Variants in RBFOX1 observed in about 807,000 individuals in gnomAD.
RBFOX1 encodes RNA binding fox-1 homolog 1.
Under a neutral mutation model 57.7 loss-of-function variants are expected in RBFOX1, and 8 were observed. The ratio of observed to expected loss-of-function variants is 0.14; its 90% CI spans 0.08 to 0.25. The LOEUF (loss-of-function observed/expected upper bound fraction) is 0.25. Among genes scored for constraint, RBFOX1 ranks in the 10% least tolerant of loss-of-function variants. RBFOX1 has a pLI of 1.00. For synonymous variants in RBFOX1, 326 were observed against 222.4 expected (o/e 1.47, Z -4.15); for missense variants, 611 against 548.5 (o/e 1.11, Z -1.14).
At chr16:6,929,365 C>T (rs1044456609) in intron 3 of RBFOX1, among the ~76,000 whole-genome samples, 6 of 152,074 alleles carry the variant, frequency 3.9e-5, no homozygotes, top group African/African-American at 4.8e-5. Context: ...GTTAGAATCC[C>T]GGTGCACGTC....
intron 2 of RBFOX1, among the ~76,000 whole-genome samples, chr16:6,350,222 A>T (rs2086067561): frequency 3.3e-5 from 5 of 152,016 alleles, no homozygotes; most frequent in Admixed American, 3.3e-4. Context: ...AGATTGCCTG[A>T]GGTCGGGAGT....
intron 3 of RBFOX1, among the ~76,000 whole-genome samples, chr16:7,019,858 G>T (rs576948169): frequency 1.1e-4 from 16 of 152,096 alleles, no homozygotes; most frequent in Non-Finnish European, 1.8e-4. Context: ...CCCAATCTGT[G>T]GTCCAGCAAT....
chr16:6,918,353 G>C (rs7198874), intron 3 of RBFOX1, among the ~76,000 whole-genome samples: 27,220 of 151,632 alleles, frequency 0.18, 2,845 homozygotes, highest in East Asian at 0.27. Context: ...CACTGGGCTT[G>C]GTGCCATTGT....
chr16:6,731,016 G>T (rs1192111335), intron 3 of RBFOX1, among the ~76,000 whole-genome samples: 2 of 152,154 alleles, frequency 1.3e-5, no homozygotes, highest in Non-Finnish European at 2.9e-5. Flanking sequence ...GATCACAAAA[G>T]AGAGGTTATG....
intron 3 of RBFOX1, among the ~76,000 whole-genome samples, chr16:6,721,572 G>A (rs1252885767): frequency 6.6e-6 from 1 of 152,118 alleles, no homozygotes; most frequent in African/African-American, 2.4e-5. Context: ...CTTTATGTTT[G>A]TTAAATAACA....
chr16:6,306,690 T>G (rs983068359), intron 1 of RBFOX1, among the ~76,000 whole-genome samples: 2 of 152,174 alleles, frequency 1.3e-5, no homozygotes, highest in African/African-American at 4.8e-5. Context: ...TCCCAAACAA[T>G]TTTGTGCAAT....
At chr16:6,156,271 C>G (rs2096837711) in intron 1 of RBFOX1, among the ~76,000 whole-genome samples, 1 of 152,212 alleles carries the variant, frequency 6.6e-6, no homozygotes. Context: ...GTTACCTCTC[C>G]TGCTTCCCCC....
At chr16:7,053,496 C>T (rs2050816737) in intron 4 of RBFOX1, among the ~76,000 whole-genome samples, 1 of 152,106 alleles carries the variant, frequency 6.6e-6, no homozygotes, top group South Asian at 2.1e-4. Flanking sequence ...AGAACTAGGT[C>T]AGAGCTAGAT....
chr16:7,544,485 C>T (rs1410596373), intron 5 of RBFOX1, among the ~76,000 whole-genome samples: 1 of 152,088 alleles, frequency 6.6e-6, no homozygotes, highest in Non-Finnish European at 1.5e-5. Flanking sequence ...GAGTGTTGTC[C>T]TTGTAAGAAA....
chr16:6,636,578 G>T (rs2098435669), intron 2 of RBFOX1, among the ~76,000 whole-genome samples: 1 of 151,434 alleles, frequency 6.6e-6, no homozygotes, highest in Non-Finnish European at 1.5e-5. Flanking sequence ...CTTTTATTTG[G>T]TTTAAGTTAT....
At position 7,607,315 on chromosome 16, in the gene RBFOX1, T is replaced by C. The variant is rs1218740764; in HGVS notation, c.653T>C (p.Val218Ala). 1 of 1,611,004 alleles carries C rather than the reference T, an allele frequency of 6.2e-7. No individual in the cohort carries two copies. Among genetic ancestry groups the C allele is most frequent in the African/African-American group, 1.3e-5 (1 of 74,832 alleles). The change falls in exon 10 of 16, where the codon GTC (valine) becomes GCC (alanine). Residue 218 changes from valine to alanine, a missense_variant. By Grantham distance (64) the Val-to-Ala change is moderately conservative (BLOSUM62 0). Transcript: ENST00000550418. ...GWKLNPVVGA[V>A]YSPEFYAGTV... is the part of the protein sequence containing the mutation. Reference sequence around the variant, plus strand: ...AAATTGAATCCAGTTGTGGGTGCAGTCTACAGTCCCGAATTCTATGCAGGT... The same window carrying C: ...AAATTGAATCCAGTTGTGGGTGCAGCCTACAGTCCCGAATTCTATGCAGGT...
intron 1 of RBFOX1, among the ~76,000 whole-genome samples, chr16:6,089,882 T>C (rs2096145915): frequency 6.6e-6 from 1 of 152,236 alleles, no homozygotes; most frequent in South Asian, 2.1e-4. Flanking sequence ...TATTGTGTAT[T>C]AGTTTCCCAT....
intron 3 of RBFOX1, among the ~76,000 whole-genome samples, chr16:6,697,364 C>T (rs948198907): frequency 6.6e-6 from 1 of 152,098 alleles, no homozygotes; most frequent in East Asian, 1.9e-4. Context: ...GCCAGGGATC[C>T]TTTGGGTGCA....
intron 3 of RBFOX1, among the ~76,000 whole-genome samples, chr16:7,050,588 C>T (rs150443744): frequency 6.6e-6 from 1 of 152,046 alleles, no homozygotes; most frequent in African/African-American, 2.4e-5. Context: ...CTTTAATGAT[C>T]TGTTTCACTG....
chr16:5,789,523 G>A (rs2054618167), intron 3 of RBFOX1, among the ~76,000 whole-genome samples: 1 of 152,124 alleles, frequency 6.6e-6, no homozygotes, highest in African/African-American at 2.4e-5. Flanking sequence ...GGCATTTAAC[G>A]TGTTAGTTTC....
At chr16:6,522,154 AGTGTGTGTGTGT>A (rs35360830) in intron 2 of RBFOX1, among the ~76,000 whole-genome samples, 42 of 142,854 alleles carry the variant, frequency 2.9e-4, no homozygotes, top group East Asian at 1.9e-3. Flanking sequence ...GGGGACCCAC[AGTGTGTGTGTGT>A]GTGTGTGTGT....
At chr16:7,303,248 G>A (rs2096075114) in intron 4 of RBFOX1, among the ~76,000 whole-genome samples, 1 of 152,208 alleles carries the variant, frequency 6.6e-6, no homozygotes, top group Non-Finnish European at 1.5e-5. Context: ...AACGCCCGGG[G>A]GTGCATCGGC....
intron 4 of RBFOX1, among the ~76,000 whole-genome samples, chr16:7,485,750 C>G (rs1335220268): frequency 6.6e-6 from 1 of 152,086 alleles, no homozygotes. Context: ...TATGTATTTC[C>G]CAACTCTCTC....
At chr16:5,868,025 C>G (rs78500405) in intron 4 of RBFOX1, among the ~76,000 whole-genome samples, 1 of 152,048 alleles carries the variant, frequency 6.6e-6, no homozygotes, top group Non-Finnish European at 1.5e-5. Flanking sequence ...TTTTCTTTCT[C>G]TACTCAGTCT....
Sources: gnomAD v4.1 joint callset for allele counts (sites outside exome capture counted in the v4.1 genomes callset) on GRCh38, gnomAD v4.1.1 for gene constraint, MANE v1.5 for transcripts, NCBI Gene and HGNC (gene_info 2026-07-23, HGNC 2026-07-21) for gene names.